Variants in KCTD1 observed in about 807,000 individuals in gnomAD.
The protein encoded by KCTD1 is BTB/POZ domain-containing protein KCTD1.
In KCTD1, 24 loss-of-function variants were observed where a neutral mutation model predicts 66.0. The observed-to-expected ratio is 0.36, with a 90% CI of 0.26 to 0.51. The LOEUF (loss-of-function observed/expected upper bound fraction) is 0.51. Among genes scored for constraint, KCTD1 ranks in the 20% least tolerant of loss-of-function variants. The pLI, the probability that KCTD1 is intolerant of heterozygous loss-of-function variation, is 0.95. For missense variants in KCTD1, 943 were observed against 1,205.2 expected, an observed-to-expected ratio of 0.78 and a Z score of 3.22; for synonymous variants, 511 against 517.2, an observed-to-expected ratio of 0.99 and a Z score of 0.16.
At chr18:26,592,153 G>T (rs1986623323) in intron 1 of KCTD1, among the ~76,000 whole-genome samples, 2 of 152,052 alleles carry the variant, frequency 1.3e-5, no homozygotes, top group South Asian at 4.1e-4. Flanking sequence ...GAGAATTAAG[G>T]TCTCAGTTCC....
intron 1 of KCTD1, among the ~76,000 whole-genome samples, chr18:26,652,713 G>A (rs1484878755): frequency 6.6e-6 from 1 of 152,186 alleles, no homozygotes; most frequent in African/African-American, 2.4e-5. Context: ...AGGCACTCCA[G>A]ACCCAATTGT....
intron 1 of KCTD1, among the ~76,000 whole-genome samples, chr18:26,509,272 A>G (rs1983213013): frequency 6.6e-6 from 1 of 152,190 alleles, no homozygotes; most frequent in Admixed American, 6.5e-5. Context: ...GCAAAGAATT[A>G]GCCCAAAAAA....
At chr18:26,541,759 A>G (rs1211478771) in intron 1 of KCTD1, among the ~76,000 whole-genome samples, 1 of 152,138 alleles carries the variant, frequency 6.6e-6, no homozygotes, top group African/African-American at 2.4e-5. Flanking sequence ...CCTCATATTC[A>G]GGTTTAATCT....
chr18:26,576,214 T>C (rs888109072), intron 1 of KCTD1, among the ~76,000 whole-genome samples: 6 of 152,224 alleles, frequency 3.9e-5, no homozygotes, highest in Non-Finnish European at 8.8e-5. Flanking sequence ...TGTTGTACCA[T>C]TTGACTACGA....
At chr18:26,651,799 A>AAAAAGAAG (rs764181233) in intron 1 of KCTD1, among the ~76,000 whole-genome samples, 59 of 117,138 alleles carry the variant, frequency 5.0e-4, no homozygotes, top group African/African-American at 2.0e-3. Flanking sequence ...AAAAAAAAAA[A>AAAAAGAAG]AAGAAGAAGA....
intron 1 of KCTD1, among the ~76,000 whole-genome samples, chr18:26,578,214 C>T (rs1289594303): frequency 6.6e-6 from 1 of 151,966 alleles, no homozygotes; most frequent in Non-Finnish European, 1.5e-5. Flanking sequence ...CACCACCACA[C>T]CCGGCTAATT....
intron 1 of KCTD1, among the ~76,000 whole-genome samples, chr18:26,618,296 C>G (rs1407842057): frequency 6.6e-6 from 1 of 152,158 alleles, no homozygotes; most frequent in East Asian, 1.9e-4. Context: ...AAATTTACCT[C>G]CAAGAAGTTA....
upstream of KCTD1, among the ~76,000 whole-genome samples, chr18:26,643,767 C>T (rs1315914502): frequency 6.6e-6 from 1 of 152,160 alleles, no homozygotes; most frequent in African/African-American, 2.4e-5. Flanking sequence ...TGGAGACCAT[C>T]CTGGCTAACA....
intron 1 of KCTD1, among the ~76,000 whole-genome samples, chr18:26,591,078 T>G (rs1986591180): frequency 6.6e-6 from 1 of 152,140 alleles, no homozygotes; most frequent in Admixed American, 6.5e-5. Context: ...GCTCTGTTGC[T>G]CAGGCTGGAG....
chr18:26,490,468 T>C (rs1386715836), intron 2 of KCTD1, among the ~76,000 whole-genome samples: 2 of 152,110 alleles, frequency 1.3e-5, no homozygotes, highest in African/African-American at 4.8e-5. Context: ...GACTAGAAAA[T>C]TCCTTTCTGG....
chr18:26,573,666 G>A (rs534878018), intron 1 of KCTD1, among the ~76,000 whole-genome samples: 1 of 152,256 alleles, frequency 6.6e-6, no homozygotes, highest in African/African-American at 2.4e-5. Flanking sequence ...TTTGCCAAAA[G>A]GTGGCCAACT....
chr18:26,616,611 C>T (rs1248970415), intron 1 of KCTD1, among the ~76,000 whole-genome samples: 1 of 152,006 alleles, frequency 6.6e-6, no homozygotes, highest in East Asian at 1.9e-4. Context: ...CCTCCAACTC[C>T]TGGGCTCAAG....
chr18:26,592,908 TG>T (rs1986641494), intron 1 of KCTD1, among the ~76,000 whole-genome samples: 2 of 152,232 alleles, frequency 1.3e-5, no homozygotes. Flanking sequence ...ATTCTTTGTC[TG>T]TGACATAGTA....
Position 26,480,040 on chromosome 18 carries a change from ATTTTT to A in KCTD1, c.1989-3386_1989-3382del, listed in dbSNP as rs199551482. 2.3e-3 allele frequency among the ~76,000 whole-genome samples: 322 copies of A among 139,732 alleles called. 3 individuals are homozygous for A. The highest frequency in any genetic ancestry group is 3.8e-3 in the Middle Eastern group (1 of 266). 91.7% of individuals were successfully genotyped at this position (139,732 alleles called of 152,430 possible). ...CAGACGATGTATGGCTGGTTTTGGA[ATTTTT>A]TTTTTTTTTTTTTTTTCACTCATTG... On this transcript the variant is annotated intron_variant, in intron 2 of 4. Coordinates refer to ENST00000580059, the MANE Select transcript of KCTD1 (RefSeq NM_001142730.3).
chr18:26,631,228 C>T (rs1447347017), upstream of KCTD1, among the ~76,000 whole-genome samples: 3 of 152,206 alleles, frequency 2.0e-5, no homozygotes, highest in African/African-American at 4.8e-5. Context: ...CATATCATTA[C>T]ATTCATGTAT....
intron 1 of KCTD1, among the ~76,000 whole-genome samples, chr18:26,589,184 T>C (rs1236795455): frequency 6.6e-6 from 1 of 152,102 alleles, no homozygotes; most frequent in Non-Finnish European, 1.5e-5. Flanking sequence ...GATGGTAACG[T>C]GAATGTGAGT....
At chr18:26,590,250 A>ATT (rs111469938) in intron 1 of KCTD1, among the ~76,000 whole-genome samples, 1 of 138,902 alleles carries the variant, frequency 7.2e-6, no homozygotes. Context: ...CACCTGGCTC[A>ATT]TTTTTTTTTT....
At chr18:26,613,604 G>C (rs1402724173) in intron 1 of KCTD1, among the ~76,000 whole-genome samples, 1 of 152,150 alleles carries the variant, frequency 6.6e-6, no homozygotes, top group Non-Finnish European at 1.5e-5. Flanking sequence ...AGTGTCCACA[G>C]AAAGCTAAAA....
At chr18:26,571,815 T>G (rs1476306614) in intron 1 of KCTD1, among the ~76,000 whole-genome samples, 1 of 152,132 alleles carries the variant, frequency 6.6e-6, no homozygotes, top group East Asian at 1.9e-4. Context: ...TTAAAAAAAG[T>G]CACGGGGTAG....
Sources: allele counts gnomAD v4.1 joint callset (sites outside exome capture counted in the v4.1 genomes callset), GRCh38; gene constraint gnomAD v4.1.1; transcripts MANE v1.5; gene names NCBI Gene and HGNC (gene_info 2026-07-23, HGNC 2026-07-21).